The following SNTG1 variants were observed in gnomAD, a reference collection of about 807,000 sequenced individuals.
The protein encoded by SNTG1 is gamma-1-syntrophin.
In SNTG1, 39 loss-of-function variants were observed where a neutral mutation model predicts 74.7. The observed-to-expected ratio is 0.52, with a 90% confidence interval of 0.40 to 0.68. SNTG1 has a LOEUF of 0.68. Among genes scored for constraint, SNTG1 ranks in the 30% least tolerant of loss-of-function variants. The pLI is 0.00. For missense variants in SNTG1, 685 were observed against 609.5 expected (o/e 1.12, Z -1.30); for synonymous variants, 254 against 217.1 (o/e 1.17, Z -1.49).
chr8:50,215,356 G>A (rs1038936422), intron 2 of SNTG1, among the ~76,000 whole-genome samples: 1 of 148,866 alleles, frequency 6.7e-6, no homozygotes, highest in Admixed American at 6.7e-5. Context: ...TGTGAACAAG[G>A]GGCATAGAGA....
chr8:50,314,950 C>G (rs1322156961), intron 2 of SNTG1, among the ~76,000 whole-genome samples: 1 of 149,248 alleles, frequency 6.7e-6, no homozygotes, highest in East Asian at 2.0e-4. Context: ...TTTTTACGCC[C>G]CTTATGGTAC....
chr8:49,935,827 T>C (rs1268385693), intron 1 of SNTG1, among the ~76,000 whole-genome samples: 1 of 152,196 alleles, frequency 6.6e-6, no homozygotes, highest in Non-Finnish European at 1.5e-5. Context: ...TCACTTACAG[T>C]CTTTCAAATT....
intron 2 of SNTG1, among the ~76,000 whole-genome samples, chr8:50,221,035 T>G (rs1402824661): frequency 6.6e-6 from 1 of 152,146 alleles, no homozygotes; most frequent in Non-Finnish European, 1.5e-5. Context: ...AAACCAGTAC[T>G]GGTATTACAT....
At chr8:50,234,174 T>C (rs923868472) in intron 2 of SNTG1, among the ~76,000 whole-genome samples, 2 of 151,996 alleles carry the variant, frequency 1.3e-5, no homozygotes, top group Non-Finnish European at 2.9e-5. Context: ...AGTTGAATGA[T>C]TAAGCAAACT....
chr8:50,340,418 T>C (rs2091284975), intron 2 of SNTG1, among the ~76,000 whole-genome samples: 1 of 151,974 alleles, frequency 6.6e-6, no homozygotes, highest in Non-Finnish European at 1.5e-5. Context: ...GAAATAGCCC[T>C]GCACAAATGT....
chr8:50,405,674 T>C (rs1024163609), intron 4 of SNTG1, among the ~76,000 whole-genome samples: 14 of 152,148 alleles, frequency 9.2e-5, no homozygotes, highest in African/African-American at 3.4e-4. Flanking sequence ...TTTTTTCTTC[T>C]ATTGGTCGTA....
intron 13 of SNTG1, among the ~76,000 whole-genome samples, chr8:50,625,225 T>C (rs1303072166): frequency 6.6e-6 from 1 of 152,206 alleles, no homozygotes; most frequent in Non-Finnish European, 1.5e-5. Context: ...ACTACATGGG[T>C]AGTTGTTGAC....
intron 12 of SNTG1, among the ~76,000 whole-genome samples, chr8:50,573,481 T>A (rs2094560085): frequency 6.6e-6 from 1 of 152,092 alleles, no homozygotes; most frequent in Admixed American, 6.5e-5. Context: ...TTCAGTGGAA[T>A]GAGTTTCTAA....
chr8:50,302,686 T>G (rs2089704846), intron 2 of SNTG1, among the ~76,000 whole-genome samples: 1 of 152,182 alleles, frequency 6.6e-6, no homozygotes, highest in South Asian at 2.1e-4. Flanking sequence ...AAGTTTTGCC[T>G]CCATTTTCTC....
chr8:50,104,671 A>G (rs2080294447), intron 1 of SNTG1, among the ~76,000 whole-genome samples: 1 of 151,822 alleles, frequency 6.6e-6, no homozygotes, highest in South Asian at 2.1e-4. Context: ...TCAATTTTGG[A>G]TCTTTCCTGC....
chr8:50,537,541 T>C (rs564357467), intron 11 of SNTG1, among the ~76,000 whole-genome samples: 1 of 152,022 alleles, frequency 6.6e-6, no homozygotes, highest in African/African-American at 2.4e-5. Context: ...TGCTAAGGAG[T>C]TGTACATTTT....
chr8:50,211,944 G>A (rs2084540607), intron 2 of SNTG1, among the ~76,000 whole-genome samples: 2 of 151,992 alleles, frequency 1.3e-5, no homozygotes, highest in Non-Finnish European at 2.9e-5. Context: ...AGGAGAAATA[G>A]AAAATAAATA....
chr8:50,060,187 T>G (rs1374633626), intron 1 of SNTG1, among the ~76,000 whole-genome samples: 4 of 152,112 alleles, frequency 2.6e-5, no homozygotes. Flanking sequence ...TTGACCATTT[T>G]AAAAAATTGG....
intron 11 of SNTG1, among the ~76,000 whole-genome samples, chr8:50,547,115 A>G (rs1207777020): frequency 6.6e-6 from 1 of 152,108 alleles, no homozygotes; most frequent in East Asian, 1.9e-4. Context: ...AAGTGCTCAT[A>G]AACAGAAACA....
intron 14 of SNTG1, 32 bp from the exon 15 acceptor site, chr8:50,658,559 AC>A (rs1285067433): frequency 6.7e-7 from 1 of 1,493,384 alleles, no homozygotes; most frequent in African/African-American, 1.4e-5. Flanking sequence ...ACTTTCTAAA[AC>A]AAATTAAACA....
At chr8:50,147,328 GA>G (rs2081907385) in intron 1 of SNTG1, among the ~76,000 whole-genome samples, 1 of 152,176 alleles carries the variant, frequency 6.6e-6, no homozygotes, top group African/African-American at 2.4e-5. Flanking sequence ...GGTGGTAAGG[GA>G]AAAATTGGAG....
At chr8:50,085,930 C>T (rs1336876692) in intron 1 of SNTG1, among the ~76,000 whole-genome samples, 1 of 152,082 alleles carries the variant, frequency 6.6e-6, no homozygotes, top group African/African-American at 2.4e-5. Flanking sequence ...TTATAGGTTC[C>T]ACATTTTCTG....
chr8:50,759,590 G>A (rs1057075678), intron 18 of SNTG1, among the ~76,000 whole-genome samples: 1 of 151,872 alleles, frequency 6.6e-6, no homozygotes, highest in Non-Finnish European at 1.5e-5. Flanking sequence ...GCTTGTTTTT[G>A]TCAGGTTTGT....
chr8:50,270,157 G>A (rs1420578883), intron 2 of SNTG1, among the ~76,000 whole-genome samples: 1 of 152,108 alleles, frequency 6.6e-6, no homozygotes, highest in Non-Finnish European at 1.5e-5. Context: ...CAAAGCAAGA[G>A]CTATAATATA....
Sources: allele counts gnomAD v4.1 joint callset (sites outside exome capture counted in the v4.1 genomes callset), GRCh38; gene constraint gnomAD v4.1.1; transcripts MANE v1.5; gene names NCBI Gene and HGNC (gene_info 2026-07-23, HGNC 2026-07-21).